TCF12: variants seen among roughly 807,000 people sequenced by gnomAD.
The protein encoded by TCF12 is transcription factor 12, also known as DNA-binding protein HTF4.
TCF12 carries 45 observed loss-of-function variants against 86.0 expected under a neutral mutation model. The ratio of observed to expected loss-of-function variants is 0.52; its 90% confidence interval spans 0.41 to 0.67. TCF12 has a LOEUF of 0.67. Among genes scored for constraint, TCF12 ranks in the 30% least tolerant of loss-of-function variants. The pLI is 0.00. For synonymous variants in TCF12, 330 were observed against 299.6 expected (o/e 1.10, Z -1.05); for missense variants, 881 against 859.9 (o/e 1.02, Z -0.31).
chr15:57,092,141 C>T (rs1229416860), intron 5 of TCF12: 1 of 348,474 alleles, frequency 2.9e-6, no homozygotes, highest in Non-Finnish European at 5.3e-6. Context: ...TCAGTTTTGG[C>T]AATGTCTTTG....
intron 7 of TCF12, among the ~76,000 whole-genome samples, chr15:57,197,077 G>C (rs931373720): frequency 6.7e-6 from 1 of 150,170 alleles, no homozygotes; most frequent in Admixed American, 6.7e-5. Flanking sequence ...TTATCAACAT[G>C]ACCTATTACA....
intron 5 of TCF12, among the ~76,000 whole-genome samples, chr15:57,108,039 T>G (rs1310824512): frequency 6.6e-6 from 1 of 152,236 alleles, no homozygotes; most frequent in African/African-American, 2.4e-5. Flanking sequence ...TGAGAAGAAC[T>G]TTTTGGTCAA....
chr15:57,051,001 C>A (rs7183361), intron 3 of TCF12, among the ~76,000 whole-genome samples: 11,616 of 152,250 alleles, frequency 0.076, 520 homozygotes, highest in Middle Eastern at 0.15. Context: ...GATATGTTGA[C>A]TAATGGTCAC....
intron 16 of TCF12, among the ~76,000 whole-genome samples, chr15:57,257,264 T>G (rs1234310293): frequency 6.6e-6 from 1 of 152,192 alleles, no homozygotes; most frequent in Non-Finnish European, 1.5e-5. Context: ...AACGTTTGGC[T>G]TATGTTAATG....
chr15:57,255,630 CCCG>C, intron 16 of TCF12, among the ~76,000 whole-genome samples: 1 of 152,082 alleles, frequency 6.6e-6, no homozygotes, highest in African/African-American at 2.4e-5. Flanking sequence ...ATTATAGGCA[CCCG>C]CCACCACGTC....
At chr15:57,081,792 C>G (rs766785704) in intron 4 of TCF12, among the ~76,000 whole-genome samples, 1 of 152,182 alleles carries the variant, frequency 6.6e-6, no homozygotes, top group Non-Finnish European at 1.5e-5. Flanking sequence ...TGGTCTCGAA[C>G]TCCTGACCTC....
intron 3 of TCF12, among the ~76,000 whole-genome samples, chr15:56,976,450 G>C (rs555579650): frequency 6.6e-6 from 1 of 151,332 alleles, no homozygotes; most frequent in Non-Finnish European, 1.5e-5. Context: ...TGTTAGCCAG[G>C]ATGGTCTCGA....
intron 5 of TCF12, among the ~76,000 whole-genome samples, chr15:57,122,346 AAAAC>A (rs1596645104): frequency 1.3e-5 from 2 of 152,220 alleles, no homozygotes. Context: ...TTGTGGCCAA[AAAAC>A]AAAACAGAAA....
chr15:56,947,453 C>T (rs1595801849), intron 3 of TCF12, among the ~76,000 whole-genome samples: 2 of 152,260 alleles, frequency 1.3e-5, no homozygotes, highest in South Asian at 4.1e-4. Flanking sequence ...ATTTCTGTCC[C>T]CTCCATTCAG....
intron 5 of TCF12, among the ~76,000 whole-genome samples, chr15:57,164,163 A>G (rs2054695381): frequency 6.6e-6 from 1 of 152,182 alleles, no homozygotes. Context: ...AATACAAATG[A>G]GTGAGTACCC....
chr15:57,120,306 A>AT (rs2151286515), intron 5 of TCF12, among the ~76,000 whole-genome samples: 1 of 152,256 alleles, frequency 6.6e-6, no homozygotes, highest in East Asian at 1.9e-4. Context: ...CTCCCTGTAT[A>AT]TGTTATGCTG....
chr15:57,202,458 CAG>C (rs2057591020), intron 8 of TCF12, among the ~76,000 whole-genome samples: 1 of 117,754 alleles, frequency 8.5e-6, no homozygotes, highest in Non-Finnish European at 1.7e-5. Context: ...TTTTTTGAGA[CAG>C]AGTCTTGCTC....
In TCF12 at chr15:57,207,620, G is replaced by A. The variant is rs538774138; in HGVS notation, c.579+9795G>A. 1.2e-4 allele frequency among the ~76,000 whole-genome samples: 18 copies of A among 151,978 alleles called. No individual in the cohort carries two copies. The South Asian group carries it at 1.5e-3, about 12-fold the overall frequency. On this transcript the variant is annotated intron_variant, in intron 8 of 20. Coordinates refer to ENST00000333725, the MANE Select transcript of TCF12 (RefSeq NM_207037.2). Reference sequence around the variant, plus strand: ...CAGGAGGTGGAGGTTGCAGTGAGCCGAGATAAAGATCACACCATTGCACTC... The same window carrying A: ...CAGGAGGTGGAGGTTGCAGTGAGCCAAGATAAAGATCACACCATTGCACTC...
intron 19 of TCF12, among the ~76,000 whole-genome samples, chr15:57,275,365 C>CGTGT (rs1555417715): frequency 1.2e-5 from 1 of 82,418 alleles, no homozygotes; most frequent in Admixed American, 1.2e-4. Flanking sequence ...TGTGTGTGTA[C>CGTGT]GTATGTAGAG....
chr15:57,273,064 C>A lies in TCF12; in HGVS notation c.1780C>A (p.Gln594Lys), dbSNP rs1289730745. ...TGAAGATGAGGATTTGAACCCTGAA[C>A]AGAAGATAGAAAGGGAGAAGGAGAG... ...TNEDEDLNPE[Q>K]KIEREKERRM... The change falls in exon 19 of 21, where the codon CAG (glutamine) becomes AAG (lysine). Residue 594 changes from glutamine to lysine, a missense_variant. Around this residue, in one of 3 missense-constraint regions of TCF12, gnomAD observed 766 missense variants for 718.9 expected, o/e 1.07. Coordinates refer to ENST00000333725, the MANE Select transcript of TCF12 (RefSeq NM_207037.2). The A allele has an allele frequency of 6.2e-7, 1 of 1,614,056 alleles. No individual in the cohort carries two copies. Among genetic ancestry groups the A allele is most frequent in the Admixed American group, 1.7e-5 (1 of 60,000 alleles).
chr15:56,971,681 G>A lies in TCF12; in HGVS notation c.148+50583G>A, dbSNP rs941193923. 2.6e-5 allele frequency among the ~76,000 whole-genome samples: 4 copies of A among 152,278 alleles called. No homozygotes were observed. In the East Asian group the frequency reaches 5.8e-4, roughly 22 times the overall value. ...TAAGATTTCACCATGCTACTCAGAC[G>A]CTACTAAGAATGGCACACAATTTAA... On this transcript the variant is annotated intron_variant, in intron 3 of 20. Coordinates refer to ENST00000333725, the MANE Select transcript of TCF12 (RefSeq NM_207037.2).
intron 4 of TCF12, among the ~76,000 whole-genome samples, chr15:57,072,493 C>A (rs1596387774): frequency 6.6e-6 from 1 of 151,994 alleles, no homozygotes; most frequent in South Asian, 2.1e-4. Flanking sequence ...GTTACTTTTT[C>A]TTCTCTAGTG....
chr15:57,200,911 T>C (rs1442581590), intron 8 of TCF12, among the ~76,000 whole-genome samples: 4 of 152,186 alleles, frequency 2.6e-5, no homozygotes, highest in African/African-American at 9.6e-5. Context: ...TCTGCCCAGC[T>C]CAGTTACTGA....
chr15:57,093,254 T>G (rs1160690758), intron 5 of TCF12, among the ~76,000 whole-genome samples: 3 of 152,218 alleles, frequency 2.0e-5, no homozygotes, highest in Non-Finnish European at 4.4e-5. Flanking sequence ...AATTTTCAAT[T>G]GAGCTTGCCA....
Sources: gnomAD v4.1 joint callset for allele counts (sites outside exome capture counted in the v4.1 genomes callset) on GRCh38, gnomAD v4.1.1 for gene constraint, gnomAD v4.1.1 regional missense constraint, MANE v1.5 for transcripts, NCBI Gene and HGNC (gene_info 2026-07-23, HGNC 2026-07-21) for gene names.